Variants in DOCK2 observed in about 807,000 individuals in gnomAD.
DOCK2 encodes dedicator of cytokinesis 2.
Under a neutral mutation model 248.9 loss-of-function variants are expected in DOCK2, and 87 were observed. The ratio of observed to expected loss-of-function variants is 0.35; its 90% CI spans 0.29 to 0.42. The LOEUF is 0.42. Among genes scored for constraint, DOCK2 ranks in the 10% least tolerant of loss-of-function variants. The pLI, the probability that DOCK2 is intolerant of heterozygous loss-of-function variation, is 1.00. For missense variants in DOCK2, 1,747 were observed against 2,300.2 expected (o/e 0.76, Z 4.92); for synonymous variants, 805 against 821.6 (o/e 0.98, Z 0.35).
chr5:169,993,332 G>A (rs1373378389), intron 29 of DOCK2, among the ~76,000 whole-genome samples: 2 of 152,170 alleles, frequency 1.3e-5, no homozygotes, highest in African/African-American at 4.8e-5. Context: ...ACTGTCTGCT[G>A]ACTGATCCCT....
intron 1 of DOCK2, among the ~76,000 whole-genome samples, chr5:169,644,173 C>T (rs1159522933): frequency 6.6e-6 from 1 of 152,104 alleles, no homozygotes; most frequent in Non-Finnish European, 1.5e-5. Context: ...GGCTTTTACT[C>T]TGAATGGGGG....
At chr5:169,703,893 A>G (rs1435702565) in intron 14 of DOCK2, 1 of 152,220 alleles carries the variant, frequency 6.6e-6, no homozygotes, top group Non-Finnish European at 1.5e-5. Context: ...TTTTAACCTC[A>G]GCTTCATTTT....
chr5:169,892,787 C>A (rs971763021), intron 27 of DOCK2, among the ~76,000 whole-genome samples: 7 of 152,190 alleles, frequency 4.6e-5, no homozygotes, highest in African/African-American at 1.7e-4. Flanking sequence ...GTGAACATAA[C>A]AAACATGACC....
intron 33 of DOCK2, among the ~76,000 whole-genome samples, chr5:170,022,683 C>A (rs1444134781): frequency 6.6e-6 from 1 of 152,142 alleles, no homozygotes; most frequent in African/African-American, 2.4e-5. Context: ...CCTATCCTGC[C>A]TGGATTGAGC....
intron 25 of DOCK2, among the ~76,000 whole-genome samples, chr5:169,769,780 G>A (rs1274243883): frequency 6.6e-6 from 1 of 152,218 alleles, no homozygotes; most frequent in African/African-American, 2.4e-5. Flanking sequence ...AAAGCAGTGT[G>A]GGCAAGGACA....
intron 35 of DOCK2, 125 bp from the exon 36 acceptor site, chr5:170,036,390 T>G: frequency 1.0e-6 from 1 of 958,534 alleles, no homozygotes; most frequent in Non-Finnish European, 1.6e-6. Context: ...AATAAGTTTC[T>G]TATTCCTATC....
intron 27 of DOCK2, among the ~76,000 whole-genome samples, chr5:169,979,778 A>C (rs913591337): frequency 4.6e-5 from 7 of 152,230 alleles, no homozygotes; most frequent in Non-Finnish European, 7.3e-5. Context: ...AGAACTAAGA[A>C]ATTAACAAGC....
rs778499133 is a variant in DOCK2, at chr5:169,684,252, T to C, written c.663T>C (p.His221=). Reference sequence around the variant, plus strand: ...CCCGGATCTCCTCATCCCCCACCCATAGCCTCTATGTGTTTGTGAGAAACT... The same window carrying C: ...CCCGGATCTCCTCATCCCCCACCCACAGCCTCTATGTGTTTGTGAGAAACT... The part of the protein sequence containing the change: ...MYSRISSSPT[H]SLYVFVRNFV... Residue 221 remains histidine (H), a synonymous_variant, in exon 8 of 52, where the codon CAT becomes CAC. Transcript: ENST00000520908. 6 of 1,614,042 alleles carry C rather than the reference T, an allele frequency of 3.7e-6. No homozygotes were observed. In the Admixed American group the frequency reaches 6.7e-5, roughly 18 times the overall value.
At chr5:169,892,679 C>T (rs1773365902) in intron 27 of DOCK2, among the ~76,000 whole-genome samples, 1 of 152,156 alleles carries the variant, frequency 6.6e-6, no homozygotes, top group Non-Finnish European at 1.5e-5. Context: ...CTACCTCTAC[C>T]TCCTCTTCAT....
At chr5:169,651,201 C>T in intron 1 of DOCK2, among the ~76,000 whole-genome samples, 1 of 152,218 alleles carries the variant, frequency 6.6e-6, no homozygotes, top group East Asian at 1.9e-4. Context: ...GGCAAAGCCA[C>T]TTCCTTTGTC....
intron 25 of DOCK2, among the ~76,000 whole-genome samples, chr5:169,789,009 T>C (rs1026989877): frequency 6.6e-6 from 1 of 152,150 alleles, no homozygotes; most frequent in Non-Finnish European, 1.5e-5. Context: ...CACCCTCCGA[T>C]AGACCCCAGT....
chr5:169,828,660 C>T (rs555579970), intron 26 of DOCK2, among the ~76,000 whole-genome samples: 1 of 152,228 alleles, frequency 6.6e-6, no homozygotes, highest in East Asian at 1.9e-4. Flanking sequence ...TGTCAAATAA[C>T]CCCTTAGTCT....
At position 169,925,579 on chromosome 5, in the gene DOCK2, TA is replaced by T. The variant is rs34833916; in HGVS notation, c.2800-57463del. ...TGGGCGACAGAGCAAGACTCTGTCTTAAAAAAAAAAAAAAAAAAAAAAAAAA... is the reference window on the plus strand; with the variant it reads ...TGGGCGACAGAGCAAGACTCTGTCTTAAAAAAAAAAAAAAAAAAAAAAAAA... On this transcript the variant is annotated intron_variant, in intron 27 of 51. Coordinates refer to ENST00000520908, the MANE Select transcript of DOCK2 (RefSeq NM_004946.3). Among the ~76,000 whole-genome samples the T allele has an allele frequency of 4.7e-3, 374 of 80,272 alleles. 5 individuals are homozygous for T. Among genetic ancestry groups the T allele is most frequent in the African/African-American group, 0.018 (349 of 19,456 alleles). The allele number at this position is 80,272 out of a possible 152,430, so 52.7% of individuals were successfully genotyped here.
intron 25 of DOCK2, among the ~76,000 whole-genome samples, chr5:169,766,764 T>TA (rs1431693259): frequency 6.6e-6 from 1 of 152,144 alleles, no homozygotes; most frequent in Non-Finnish European, 1.5e-5. Flanking sequence ...ATTTTTGACT[T>TA]TTTATTTATT....
intron 35 of DOCK2, 144 bp downstream of exon 35, chr5:170,034,699 G>C (rs1756262208): frequency 1.7e-6 from 2 of 1,192,130 alleles, no homozygotes; most frequent in East Asian, 5.2e-5. Flanking sequence ...AACGTCTGCT[G>C]CGCTTTCTGC....
intron 8 of DOCK2, among the ~76,000 whole-genome samples, chr5:169,685,546 A>T (rs137910450): frequency 4.0e-3 from 605 of 152,358 alleles, no homozygotes; most frequent in Admixed American, 5.8e-3. Context: ...TTGTAGAGGC[A>T]CACATTAGAA....
At chr5:169,858,921 A>G (rs1771030439) in intron 27 of DOCK2, among the ~76,000 whole-genome samples, 1 of 152,174 alleles carries the variant, frequency 6.6e-6, no homozygotes, top group African/African-American at 2.4e-5. Flanking sequence ...GGCTGAGGTG[A>G]AAGGATTGCT....
chr5:169,665,624 T>C (rs2113255327), intron 2 of DOCK2, among the ~76,000 whole-genome samples: 1 of 152,324 alleles, frequency 6.6e-6, no homozygotes, highest in East Asian at 1.9e-4. Flanking sequence ...TATGTTTTTT[T>C]CCCATCCAAC....
intron 29 of DOCK2, among the ~76,000 whole-genome samples, chr5:169,988,352 A>G (rs947191923): frequency 6.6e-6 from 1 of 152,178 alleles, no homozygotes; most frequent in Non-Finnish European, 1.5e-5. Context: ...CAACAACTTT[A>G]TAATGTAGAA....
Sources: gnomAD v4.1 joint callset for allele counts (sites outside exome capture counted in the v4.1 genomes callset) on GRCh38, gnomAD v4.1.1 for gene constraint, MANE v1.5 for transcripts, NCBI Gene and HGNC (gene_info 2026-07-23, HGNC 2026-07-21) for gene names.